The following SLFN11 variants were observed in gnomAD, a reference collection of about 807,000 sequenced individuals.
SLFN11 encodes the protein schlafen family member 11.
A neutral mutation model predicts 53.4 loss-of-function variants in SLFN11; 43 were observed. That is an observed-to-expected ratio of 0.80 (90% CI 0.63 to 1.04). The LOEUF (loss-of-function observed/expected upper bound fraction) is 1.04, where lower values mean the gene tolerates loss of function less well. SLFN11 is among the 50% of genes least tolerant of loss of function. The probability of loss-of-function intolerance (pLI) is 0.00; values close to 1 mark genes in which losing one functional copy is unlikely to be tolerated. For synonymous variants in SLFN11, 389 were observed against 394.7 expected (o/e 0.99, Z 0.17); for missense variants, 990 against 1,079.1 (o/e 0.92, Z 1.16).
chr17:35,355,859 C>T (rs1486063357), intron 5 of SLFN11, among the ~76,000 whole-genome samples: 2 of 152,152 alleles, frequency 1.3e-5, no homozygotes, highest in Non-Finnish European at 2.9e-5. Context: ...ATAAACTCCT[C>T]ACCCTCCCCA....
chr17:35,371,373 A>G (rs966166980), intron 1 of SLFN11, among the ~76,000 whole-genome samples: 1 of 152,156 alleles, frequency 6.6e-6, no homozygotes, highest in African/African-American at 2.4e-5. Flanking sequence ...AACTACTACA[A>G]GTAAACATTG....
rs1270481181 is a variant in SLFN11 at position 35,352,932 on chromosome 17, C to A, written c.2130G>T (p.Leu710Phe). 6 of 1,614,066 alleles carry A rather than the reference C, an allele frequency of 3.7e-6. No homozygotes were observed. The highest frequency in any genetic ancestry group is 5.1e-6 in the Non-Finnish European group (6 of 1,180,046). ...IFLDYFQTSH[L>F]DCSGLPPLSD... is the part of the protein sequence containing the mutation. ...AGAGAGGAGGGAGGCCACTGCAATC[C>A]AAGTGGCTGGTCTGAAAGTAATCCA... is the stretch of plus-strand genomic sequence containing the variant. The change falls in exon 7 of 7, where the codon TTG (leucine) becomes TTT (phenylalanine). Residue 710 changes from leucine to phenylalanine, a missense_variant. Leu to Phe is a conservative substitution (Grantham distance 22, BLOSUM62 0). Around this residue, in one of 3 missense-constraint regions of SLFN11, gnomAD observed 313 missense variants for 320.9 expected, o/e 0.98. Transcript: ENST00000685675.
rs1336371656 is a variant in SLFN11, at chr17:35,352,737, T to C, written c.2325A>G (p.Gly775=). The C allele has an allele frequency of 6.2e-7, 1 of 1,614,216 alleles. No individual in the cohort carries two copies. The highest frequency in any genetic ancestry group is 1.7e-5 in the Admixed American group (1 of 60,026). ...TCAAGTATTTCTTAATTCGTAAGGT[T>C]CCCTGAACACCCTGGGACCATTCGG... ...PEAEWSQGVQ[G]TLRIKKYLTV... Residue 775 remains glycine (G), a synonymous_variant, in exon 7 of 7, where the codon GGA becomes GGG. Transcript: ENST00000685675.
At position 35,351,142 on chromosome 17, in the gene SLFN11, G is replaced by C. The variant is rs1197593900; in HGVS notation, c.*1214C>G. On this transcript the variant is annotated 3_prime_UTR_variant, in exon 7 of 7. Transcript: ENST00000685675. ...AGACTCTCGCCAGCAGCGAGAGTTT[G>C]ATTGTGAGGCTTCTCCTCTTGGCTT... 6.6e-6 allele frequency: 1 copy of C among 152,274 alleles called. No individual in the cohort carries two copies. Among genetic ancestry groups the C allele is most frequent in the Non-Finnish European group, 1.5e-5 (1 of 68,048 alleles). 9.4% of individuals were successfully genotyped at this position (152,274 alleles called of 1,614,324 possible).
chr17:35,355,196 G>A (rs909793057), intron 5 of SLFN11, among the ~76,000 whole-genome samples: 1 of 152,192 alleles, frequency 6.6e-6, no homozygotes, highest in African/African-American at 2.4e-5. Flanking sequence ...TTCCAAGGAT[G>A]ACATATTTAT....
intron 1 of SLFN11, among the ~76,000 whole-genome samples, chr17:35,372,157 C>G (rs1238319213): frequency 1.3e-5 from 2 of 152,088 alleles, no homozygotes; most frequent in African/African-American, 2.4e-5. Context: ...AGAATGAGAT[C>G]CAATCACTTG....
In SLFN11 at chr17:35,363,435, G is replaced by A. The variant is rs1314307811; in HGVS notation, c.373C>T (p.Leu125Phe). 3 of 1,613,878 alleles carry A rather than the reference G, an allele frequency of 1.9e-6. No homozygotes were observed. The Admixed American group carries it at 5.0e-5, about 27-fold the overall frequency. The change falls in exon 4 of 7, where the codon CTT becomes TTT. Residue 125 changes from leucine (L) to phenylalanine (F), a missense_variant. Coordinates refer to ENST00000685675, the MANE Select transcript of SLFN11 (RefSeq NM_001376007.1). ...TATAATGAAGAACTGAGGCTGCAAA[G>A]GCGGGGCTTGACAGAGCGATCTTCA... ...FPEDRSVKPR[L>F]CSLSSSLYRR...
chr17:35,367,890 C>A (rs1464489218), intron 1 of SLFN11, among the ~76,000 whole-genome samples, 190 bp from the exon 2 acceptor site: 3 of 151,878 alleles, frequency 2.0e-5, no homozygotes, highest in Non-Finnish European at 2.9e-5. Context: ...TCTCCCCATG[C>A]CCCAGGATCT....
At chr17:35,357,658 A>G (rs552914115) in intron 5 of SLFN11, among the ~76,000 whole-genome samples, 13 of 148,296 alleles carry the variant, frequency 8.8e-5, no homozygotes, top group African/African-American at 3.2e-4. Context: ...ACATTCTGTA[A>G]CTTTGGTCTA....
Position 35,360,307 on chromosome 17 carries a change from G to A in SLFN11, c.1134C>T (p.Ser378=), listed in dbSNP as rs1908036705. 6.2e-7 allele frequency: 1 copy of A among 1,610,464 alleles called. No homozygotes were observed. ...GGCCTTTCTTGGAGTACACTGGTCT[G>A]CTAAGGGGAGGCCCACTAGATAGAC... ...QLSLSSGPPL[S]RPVYSKKGLE... is the part of the protein sequence containing the mutation. The change falls in exon 5 of 7, where the codon AGC becomes AGT. Residue 378 remains serine (S), a synonymous_variant. Coordinates refer to ENST00000685675, the MANE Select transcript of SLFN11 (RefSeq NM_001376007.1).
In SLFN11 at chr17:35,352,000, T is replaced by C. The variant is rs1194526168; in HGVS notation, c.*356A>G. ...AAGCAACAAACTGCATGAAGTCACT[T>C]AAAAAAAGAAGCCCAGCCTTGGAAG... On this transcript the variant is annotated 3_prime_UTR_variant, in exon 7 of 7. Coordinates refer to ENST00000685675, the MANE Select transcript of SLFN11 (RefSeq NM_001376007.1). 8.7e-6 allele frequency: 2 copies of C among 230,702 alleles called. No individual in the cohort carries two copies. Among genetic ancestry groups the C allele is most frequent in the Non-Finnish European group, 1.7e-5 (2 of 118,616 alleles). 14.3% of individuals were successfully genotyped at this position (230,702 alleles called of 1,614,324 possible).
rs545992592 is a variant in SLFN11, at chr17:35,353,464, G to A, written c.1794C>T (p.His598=). The A allele has an allele frequency of 5.1e-5, 82 of 1,595,174 alleles. No homozygotes were observed. The Middle Eastern group carries it at 8.3e-4, about 16-fold the overall frequency. ...TGGTCTTCCCTGAGCCAGGTAAGCC[G>A]TGGACAAACAACTCTCTGTTCTTGC... ...SLRKNRELFV[H]GLPGSGKTIM... Residue 598 remains histidine (H), a synonymous_variant, in exon 6 of 7, where the codon CAC becomes CAT. Coordinates refer to ENST00000685675, the MANE Select transcript of SLFN11 (RefSeq NM_001376007.1).
At chr17:35,355,636 G>A (rs1351736243) in intron 5 of SLFN11, among the ~76,000 whole-genome samples, 1 of 152,070 alleles carries the variant, frequency 6.6e-6, no homozygotes, top group African/African-American at 2.4e-5. Flanking sequence ...AATGGAGCAT[G>A]CTTCTGAAGG....
chr17:35,366,598 G>A (rs573320660), intron 3 of SLFN11, among the ~76,000 whole-genome samples: 5 of 152,016 alleles, frequency 3.3e-5, no homozygotes, highest in South Asian at 4.2e-4. Context: ...ATATGTAGAA[G>A]CAGACTATCA....
rs369684702 is a variant in SLFN11 at position 35,353,247 on chromosome 17, C to T, written c.1922+89G>A. The T allele has an allele frequency of 2.2e-5, 35 of 1,600,914 alleles. 2 individuals carry two copies. In the South Asian group the frequency reaches 2.9e-4, roughly 13 times the overall value. The stretch of plus-strand genomic sequence containing the variant: ...AGTACATTACCACAGATCATTTTAC[C>T]ACTCAATTCTCAAGAAAGACGGTGA... On this transcript the variant is annotated intron_variant, in intron 6 of 6. Transcript: ENST00000685675.
chr17:35,359,409 T>G (rs1190396004), intron 5 of SLFN11, among the ~76,000 whole-genome samples: 4 of 152,166 alleles, frequency 2.6e-5, no homozygotes, highest in Non-Finnish European at 4.4e-5. Flanking sequence ...ATTAATTTAA[T>G]GATCCTTGAC....
chr17:35,350,915 AGTGTTTTAGAAC>A lies in SLFN11; in HGVS notation c.*1429_*1440del, dbSNP rs1906594191. On this transcript the variant is annotated 3_prime_UTR_variant, in exon 7 of 7. Coordinates refer to ENST00000685675, the MANE Select transcript of SLFN11 (RefSeq NM_001376007.1). ...ATATTTTACTGTTAATATTTAGATTAGTGTTTTAGAACGTTTTGTAGAGACTGAAAAGCAAAT... is the reference window on the plus strand; with the variant it reads ...ATATTTTACTGTTAATATTTAGATTAGTTTTGTAGAGACTGAAAAGCAAAT... 1 of 152,266 alleles carries A rather than the reference AGTGTTTTAGAAC, an allele frequency of 6.6e-6. No individual in the cohort carries two copies. The highest frequency in any genetic ancestry group is 2.1e-4 in the South Asian group (1 of 4,836). The allele number at this position is 152,266 out of a possible 1,614,324, so 9.4% of individuals were successfully genotyped here.
At chr17:35,372,411 T>C (rs1366366004) in intron 1 of SLFN11, among the ~76,000 whole-genome samples, 2 of 152,144 alleles carry the variant, frequency 1.3e-5, no homozygotes, top group Non-Finnish European at 2.9e-5. Flanking sequence ...ACAGTTATTA[T>C]AGTCAATGAT....
intron 5 of SLFN11, among the ~76,000 whole-genome samples, chr17:35,357,957 C>T (rs1179894121): frequency 7.0e-6 from 1 of 143,500 alleles, no homozygotes; most frequent in Non-Finnish European, 1.5e-5. Flanking sequence ...GATAGCTTCC[C>T]TTGTTTTTCA....
Sources: gnomAD v4.1 joint callset for allele counts (sites outside exome capture counted in the v4.1 genomes callset) on GRCh38, gnomAD v4.1.1 for gene constraint, gnomAD v4.1.1 regional missense constraint, MANE v1.5 for transcripts, NCBI Gene and HGNC (gene_info 2026-07-23, HGNC 2026-07-21) for gene names.